TMCC2: variants seen among roughly 807,000 people sequenced by gnomAD.
TMCC2 encodes the protein transmembrane and coiled-coil domains protein 2.
TMCC2 carries 16 observed loss-of-function variants against 49.4 expected under a neutral mutation model. That is an observed-to-expected ratio of 0.32 (90% CI 0.22 to 0.49). TMCC2 has a LOEUF of 0.49. Ranked by LOEUF, TMCC2 falls within the 20% of genes least tolerant of loss-of-function variation. The pLI, the probability that TMCC2 is intolerant of heterozygous loss-of-function variation, is 0.99. For synonymous variants in TMCC2, 397 were observed against 434.1 expected (o/e 0.91, Z 1.06); for missense variants, 762 against 989.8 (o/e 0.77, Z 3.09).
intron 1 of TMCC2, chr1:205,229,824 C>G (rs909095314): frequency 1.6e-5 from 16 of 985,390 alleles, no homozygotes; most frequent in Non-Finnish European, 1.9e-5. Flanking sequence ...AATTGGCGAG[C>G]TGTCTTGAAT....
chr1:205,271,128 G>T lies in TMCC2; in HGVS notation c.1691G>T (p.Arg564Leu). 6.2e-7 allele frequency: 1 copy of T among 1,612,724 alleles called. No homozygotes were observed. The highest frequency in any genetic ancestry group is 8.5e-7 in the Non-Finnish European group (1 of 1,180,016). The change falls in exon 4 of 5, where the codon CGG (arginine) becomes CTG (leucine). Residue 564 changes from arginine to leucine, a missense_variant. Physicochemically the swap from Arg to Leu is moderately radical, Grantham distance 102. Transcript: ENST00000358024. ...CTCTCTCCCTCCGCCAGGTACGAGCGGCTGGAGGAGCAGCTCAACGACCTG... is the reference window on the plus strand; with the variant it reads ...CTCTCTCCCTCCGCCAGGTACGAGCTGCTGGAGGAGCAGCTCAACGACCTG... Reference protein sequence around the residue: ...CLQEERYRYERLEEQLNDLTE... With the variant: ...CLQEERYRYELLEEQLNDLTE...
rs16855304 is a variant in TMCC2 at position 205,271,070 on chromosome 1, G to A, written c.1683-50G>A. 3.6e-3 allele frequency: 5,827 copies of A among 1,603,356 alleles called. 183 individuals carry two copies. In the African/African-American group the frequency reaches 0.068, roughly 19 times the overall value. On this transcript the variant is annotated intron_variant, in intron 3 of 4. Coordinates refer to ENST00000358024, the MANE Select transcript of TMCC2 (RefSeq NM_014858.4). ...ATGAATGAATCAACTGTGGGAGAGA[G>A]TGGAAGCTCGGGGAGCCAGGACTGG...
Position 205,228,528 on chromosome 1 carries a change from T to C in TMCC2, c.-37T>C, listed in dbSNP as rs1457741134. 1.2e-5 allele frequency: 19 copies of C among 1,565,108 alleles called. No individual in the cohort carries two copies. The highest frequency in any genetic ancestry group is 1.6e-5 in the Non-Finnish European group (18 of 1,149,136). On this transcript the variant is annotated 5_prime_UTR_variant, in exon 1 of 5. Coordinates refer to ENST00000358024, the MANE Select transcript of TMCC2 (RefSeq NM_014858.4). Reference sequence around the variant, plus strand: ...TGCGGTCTTCCCCAAGACGGCGCGCTGGAAGGACAGATTCCCCTTGCCGAC... The same window carrying C: ...TGCGGTCTTCCCCAAGACGGCGCGCCGGAAGGACAGATTCCCCTTGCCGAC...
rs774007466 is a variant in TMCC2 at position 205,268,899 on chromosome 1, C to T, written c.748-51C>T. ...AAGTCCAGAGGCATCCAGGGGCACT[C>T]CTATGGTCCCAGGGTTTACCCATGC... is the stretch of plus-strand genomic sequence containing the variant. On this transcript the variant is annotated intron_variant, in intron 2 of 4. Transcript: ENST00000358024. 7 of 1,578,412 alleles carry T rather than the reference C, an allele frequency of 4.4e-6. No homozygotes were observed. In the Admixed American group the frequency reaches 5.1e-5, roughly 11 times the overall value.
chr1:205,241,452 T>C lies in TMCC2; in HGVS notation c.208-53T>C, dbSNP rs1005671967. The stretch of plus-strand genomic sequence containing the variant: ...CCTTCACCTTCACCCTCCTACTGAC[T>C]AGGCAATCAAGAGCTTTCCACTCAC... On this transcript the variant is annotated intron_variant, in intron 1 of 4. Transcript: ENST00000358024. This position sits in a 1 kb window ranked among gnomAD's most constrained non-coding sequence, Gnocchi z 7.3. 78 of 1,575,040 alleles carry C rather than the reference T, an allele frequency of 5.0e-5. No individual in the cohort carries two copies. Among genetic ancestry groups the C allele is most frequent in the Non-Finnish European group, 4.8e-5 (55 of 1,155,362 alleles).
At chr1:205,253,311 A>G (rs1355095123) in intron 2 of TMCC2, among the ~76,000 whole-genome samples, 4 of 152,206 alleles carry the variant, frequency 2.6e-5, no homozygotes, top group Non-Finnish European at 5.9e-5. Context: ...GGAAGAAAAA[A>G]CTAAACTAAG....
chr1:205,257,267 C>G, intron 2 of TMCC2: 1 of 1,232,268 alleles, frequency 8.1e-7, no homozygotes, highest in South Asian at 4.1e-5. Context: ...TGCCCAGGGT[C>G]TGTGACCCCG....
At position 205,271,196 on chromosome 1, in the gene TMCC2, C is replaced by T. The variant is rs1424266620; in HGVS notation, c.1759C>T (p.Leu587=). ...CGAGATGACGAACCTGAAGCAGGAG[C>T]TGGCCAGCATGGAGGAGAAGGTGGC... is the stretch of plus-strand genomic sequence containing the variant. ...QNEMTNLKQE[L]ASMEEKVAYQ... is the part of the protein sequence containing the mutation. Residue 587 remains leucine (L), a synonymous_variant, in exon 4 of 5, where the codon CTG becomes TTG. Transcript: ENST00000358024. 6.2e-7 allele frequency: 1 copy of T among 1,614,160 alleles called. No individual in the cohort carries two copies. The highest frequency in any genetic ancestry group is 8.5e-7 in the Non-Finnish European group (1 of 1,180,052).
intron 2 of TMCC2, among the ~76,000 whole-genome samples, chr1:205,261,232 A>G (rs932557502): frequency 7.4e-4 from 87 of 118,140 alleles, no homozygotes; most frequent in African/African-American, 2.7e-3. Context: ...GCAGGGTCTC[A>G]CTCTGTTGCC....
chr1:205,255,784 A>T (rs993903927), intron 2 of TMCC2, among the ~76,000 whole-genome samples: 1 of 152,194 alleles, frequency 6.6e-6, no homozygotes, highest in African/African-American at 2.4e-5. Context: ...TAATAGGGGC[A>T]TAAGACCTAT....
At chr1:205,256,343 T>G (rs1186927377) in intron 2 of TMCC2, 3 of 1,550,654 alleles carry the variant, frequency 1.9e-6, no homozygotes, top group Non-Finnish European at 2.6e-6. Flanking sequence ...TGGACCTCTG[T>G]CCCCCTCTGC....
chr1:205,249,083 G>A (rs1199627455), intron 2 of TMCC2, among the ~76,000 whole-genome samples: 1 of 152,192 alleles, frequency 6.6e-6, no homozygotes, highest in Non-Finnish European at 1.5e-5. Flanking sequence ...CAGGCAGGAA[G>A]GAAGAGAGGG....
rs1356408758 is a variant in TMCC2 at position 205,228,395 on chromosome 1, C to T, written c.-170C>T. The T allele has an allele frequency of 3.4e-6, 2 of 583,196 alleles. No homozygotes were observed. The highest frequency in any genetic ancestry group is 1.9e-5 in the African/African-American group (1 of 53,882). 36.1% of individuals were successfully genotyped at this position (583,196 alleles called of 1,614,324 possible). A position where few individuals can be genotyped will look rare whatever the true frequency, so the allele number is the denominator to read the frequency against. On this transcript the variant is annotated 5_prime_UTR_variant, in exon 1 of 5. Transcript: ENST00000358024. ...CAAGGCTCCCCCTTCTCGCCCCTCC[C>T]TCACCCGCCTTTAAGAATTTTTTTT... is the stretch of plus-strand genomic sequence containing the variant.
chr1:205,248,300 T>C (rs1660533147), intron 2 of TMCC2, among the ~76,000 whole-genome samples: 1 of 152,108 alleles, frequency 6.6e-6, no homozygotes, highest in African/African-American at 2.4e-5. Context: ...TCCTAGCTGC[T>C]TGGGAGGCTG....
At chr1:205,260,637 C>T (rs1417327864) in intron 2 of TMCC2, among the ~76,000 whole-genome samples, 6 of 152,116 alleles carry the variant, frequency 3.9e-5, no homozygotes, top group Non-Finnish European at 7.4e-5. Context: ...TTTCAGCAAC[C>T]CCAAGGAAAC....
At chr1:205,246,677 G>C (rs1036878975) in intron 2 of TMCC2, 2 of 1,550,226 alleles carry the variant, frequency 1.3e-6, no homozygotes, top group Admixed American at 3.9e-5. Flanking sequence ...AGGCAGCCAG[G>C]CCCACCTCTC....
chr1:205,254,315 A>G (rs929545616), intron 2 of TMCC2, among the ~76,000 whole-genome samples: 1 of 152,176 alleles, frequency 6.6e-6, no homozygotes, highest in African/African-American at 2.4e-5. Context: ...TTGTGGAAAC[A>G]GTCTCAGCGC....
intron 2 of TMCC2, among the ~76,000 whole-genome samples, chr1:205,262,861 C>T (rs1001224407): frequency 4.6e-5 from 7 of 151,976 alleles, no homozygotes; most frequent in African/African-American, 7.3e-5. Flanking sequence ...AGATGCTTTC[C>T]TGAGGTTGGG....
intron 3 of TMCC2, 122 bp from the exon 4 acceptor site, chr1:205,270,998 G>C: frequency 2.2e-6 from 3 of 1,372,420 alleles, no homozygotes; most frequent in Non-Finnish European, 3.0e-6. Flanking sequence ...TTAGAACAGA[G>C]CAGAGCTGGA....
Sources: gnomAD v4.1 joint callset for allele counts (sites outside exome capture counted in the v4.1 genomes callset) on GRCh38, gnomAD v4.1.1 for gene constraint, Gnocchi (gnomAD v3.1) non-coding constraint, MANE v1.5 for transcripts, NCBI Gene and HGNC (gene_info 2026-07-23, HGNC 2026-07-21) for gene names.